The following ZNF652 variants were observed in gnomAD, a reference collection of about 807,000 sequenced individuals.
The protein encoded by ZNF652 is zinc finger protein 652.
ZNF652 carries 16 observed loss-of-function variants against 45.2 expected under a neutral mutation model. The observed-to-expected ratio is 0.35, with a 90% CI of 0.24 to 0.54. The LOEUF (loss-of-function observed/expected upper bound fraction) is 0.54. ZNF652 is among the 20% of genes least tolerant of loss of function. The probability of loss-of-function intolerance (pLI) is 0.91; values close to 1 mark genes in which losing one functional copy is unlikely to be tolerated. For missense variants in ZNF652, 614 were observed against 765.6 expected (o/e 0.80, Z 2.34); for synonymous variants, 250 against 260.6 (o/e 0.96, Z 0.39).
In ZNF652 at chr17:49,317,437, G is replaced by C; in HGVS notation, c.289C>G (p.Arg97Gly). The C allele has an allele frequency of 1.2e-6, 2 of 1,613,910 alleles. No individual in the cohort carries two copies. The highest frequency in any genetic ancestry group is 1.7e-5 in the Admixed American group (1 of 59,974). ...VSDVHAVKED[R>G]ENSDDTEEEE... ...TCCTCTGTGTCATCAGAATTCTCCC[G>C]GTCTTCCTTAACAGCATGCACGTCA... Residue 97 changes from arginine (R) to glycine (G), a missense_variant, in exon 2 of 6, where the codon CGG (arginine) becomes GGG (glycine). Around this residue, in one of 5 missense-constraint regions of ZNF652, gnomAD observed 133 missense variants for 132.2 expected, o/e 1.01. Coordinates refer to ENST00000430262, the MANE Select transcript of ZNF652 (RefSeq NM_001145365.3).
At chr17:49,312,160 T>C (rs1269702774) in intron 3 of ZNF652, 118 bp from the exon 4 acceptor site, 1 of 78,122 alleles carries the variant, frequency 1.3e-5, no homozygotes, top group South Asian at 5.1e-4. Flanking sequence ...TTTGTGAGGC[T>C]TTTTTTTTTT....
Position 49,296,792 on chromosome 17 carries a change from C to T in ZNF652, c.*1621G>A, listed in dbSNP as rs1426515584. 1 of 152,108 alleles carries T rather than the reference C, an allele frequency of 6.6e-6. No individual in the cohort carries two copies. The highest frequency in any genetic ancestry group is 1.5e-5 in the Non-Finnish European group (1 of 68,030). 9.4% of individuals were successfully genotyped at this position (152,108 alleles called of 1,614,324 possible). On this transcript the variant is annotated 3_prime_UTR_variant, in exon 6 of 6. Coordinates refer to ENST00000430262, the MANE Select transcript of ZNF652 (RefSeq NM_001145365.3). ...AGGTAAGTGATTTAGCCTGGGAACTCAGTTCTCTCAGATAAAGAAATACAA... is the reference window on the plus strand; with the variant it reads ...AGGTAAGTGATTTAGCCTGGGAACTTAGTTCTCTCAGATAAAGAAATACAA...
At chr17:49,338,614 C>A (rs1012176001) in intron 1 of ZNF652, among the ~76,000 whole-genome samples, 1 of 152,164 alleles carries the variant, frequency 6.6e-6, no homozygotes, top group African/African-American at 2.4e-5. Flanking sequence ...TGCATACAGT[C>A]ATGTTTGAGA....
intron 1 of ZNF652, among the ~76,000 whole-genome samples, chr17:49,319,864 C>T (rs2069865609): frequency 6.6e-6 from 1 of 151,986 alleles, no homozygotes; most frequent in Non-Finnish European, 1.5e-5. Context: ...GCTGGTGGGA[C>T]TGATTTTTAA....
At chr17:49,328,648 G>C (rs965626056) in intron 1 of ZNF652, among the ~76,000 whole-genome samples, 11 of 152,104 alleles carry the variant, frequency 7.2e-5, no homozygotes, top group Admixed American at 5.2e-4. Flanking sequence ...TGATACACCT[G>C]CTTCCCCCTT....
chr17:49,356,991 A>G (rs1366609341), intron 1 of ZNF652, among the ~76,000 whole-genome samples: 2 of 149,244 alleles, frequency 1.3e-5, no homozygotes, highest in East Asian at 3.9e-4. Context: ...CACTTGAACT[A>G]TGTTTTAAAA....
In ZNF652 at chr17:49,337,351, A is replaced by G. The variant is rs949946218; in HGVS notation, c.-258-19368T>C. The stretch of plus-strand genomic sequence containing the variant: ...ACCCATTCTCTTAAAAAAAAAAAAA[A>G]AAAGAAAAAAGAAAAATTAAAGGCA... On this transcript the variant is annotated intron_variant, in intron 1 of 5. Transcript: ENST00000430262. Among the ~76,000 whole-genome samples the G allele has an allele frequency of 6.6e-5, 10 of 151,278 alleles. No homozygotes were observed. The South Asian group carries it at 8.4e-4, about 13-fold the overall frequency.
intron 2 of ZNF652, among the ~76,000 whole-genome samples, chr17:49,315,559 T>TA (rs10542422): frequency 1.3e-3 from 189 of 143,486 alleles, no homozygotes; most frequent in East Asian, 1.8e-3. Flanking sequence ...AGACTTAAGT[T>TA]AAAAAAAAAA....
intron 1 of ZNF652, among the ~76,000 whole-genome samples, chr17:49,351,459 A>AT (rs1451262585): frequency 6.6e-6 from 1 of 152,172 alleles, no homozygotes; most frequent in Non-Finnish European, 1.5e-5. Context: ...GGCATACTGT[A>AT]TAACCATCTG....
intron 1 of ZNF652, among the ~76,000 whole-genome samples, chr17:49,340,549 CAAAAAAAAAAA>C (rs1040246588): frequency 7.6e-4 from 38 of 50,128 alleles, no homozygotes; most frequent in Middle Eastern, 9.6e-3. Flanking sequence ...GACTCTGTCT[CAAAAAAAAAAA>C]AAAAAAAAAA....
rs180941621 is a variant in ZNF652 at position 49,327,377 on chromosome 17, G to A, written c.-258-9394C>T. The stretch of plus-strand genomic sequence containing the variant: ...GGGCTTTCACTGTGTTTGCCAGGCT[G>A]GTCTCGAACTCCTGACCTCGTGAGC... On this transcript the variant is annotated intron_variant, in intron 1 of 5. Transcript: ENST00000430262. Among the ~76,000 whole-genome samples the A allele has an allele frequency of 7.2e-5, 11 of 151,932 alleles. No individual in the cohort carries two copies. In the East Asian group the frequency reaches 2.2e-3, roughly 30 times the overall value.
chr17:49,347,983 C>A (rs992290949), intron 1 of ZNF652, among the ~76,000 whole-genome samples: 16 of 151,890 alleles, frequency 1.1e-4, no homozygotes, highest in Non-Finnish European at 2.1e-4. Flanking sequence ...TGGCCTCAAA[C>A]AATCCACCCG....
At chr17:49,311,558 A>T in intron 4 of ZNF652, 102 bp from the exon 5 acceptor site, 1 of 1,265,016 alleles carries the variant, frequency 7.9e-7, no homozygotes, top group Non-Finnish European at 1.1e-6. Context: ...TTCATATTCA[A>T]AATAGAACCT....
At position 49,317,316 on chromosome 17, in the gene ZNF652, A is replaced by C. The variant is rs549515747; in HGVS notation, c.410T>G (p.Val137Gly). 28 of 1,613,134 alleles carry C rather than the reference A, an allele frequency of 1.7e-5. No homozygotes were observed. In the East Asian group the frequency reaches 3.6e-4, roughly 21 times the overall value. Residue 137 changes from valine to glycine, a missense_variant, in exon 2 of 6, where the codon GTC becomes GGC. Physicochemically the swap from Val to Gly is moderately radical, Grantham distance 109. Coordinates refer to ENST00000430262, the MANE Select transcript of ZNF652 (RefSeq NM_001145365.3). ...AGGAGTCTCTTTGGACTGAGAAGAG[A>C]CACCCTTTTCCCCTTTAGATACATT... ...TLNVSKGEKG[V>G]SSQSKETPVL...
chr17:49,305,948 A>C (rs962775799), intron 5 of ZNF652, among the ~76,000 whole-genome samples: 2 of 152,216 alleles, frequency 1.3e-5, no homozygotes, highest in African/African-American at 4.8e-5. Context: ...CTGTCTCTAA[A>C]TGTAGTTTCA....
At chr17:49,327,779 A>ATTT (rs375857868) in intron 1 of ZNF652, among the ~76,000 whole-genome samples, 5 of 4,106 alleles carry the variant, frequency 1.2e-3, no homozygotes, top group East Asian at 4.7e-3. Context: ...ATATATATAT[A>ATTT]TTTTTTTTTT....
chr17:49,312,541 T>C (rs2069730614), intron 3 of ZNF652, among the ~76,000 whole-genome samples, 157 bp downstream of exon 3: 1 of 152,208 alleles, frequency 6.6e-6, no homozygotes, highest in Non-Finnish European at 1.5e-5. Flanking sequence ...GACTATACCA[T>C]CCAATTTGGT....
At chr17:49,358,306 G>A (rs1017138357) in intron 1 of ZNF652, among the ~76,000 whole-genome samples, 4 of 152,108 alleles carry the variant, frequency 2.6e-5, no homozygotes, top group Admixed American at 6.6e-5. Flanking sequence ...CACCTCTATC[G>A]AAGTAAATTC....
At chr17:49,331,643 TAAAAAATAAAAAAATA>T in intron 1 of ZNF652, among the ~76,000 whole-genome samples, 1 of 150,566 alleles carries the variant, frequency 6.6e-6, no homozygotes, top group South Asian at 2.1e-4. Flanking sequence ...TTGTATTTTA[TAAAAAATAAAAAAATA>T]AAAAAATAAA....
Sources: gnomAD v4.1 joint callset for allele counts (sites outside exome capture counted in the v4.1 genomes callset) on GRCh38, gnomAD v4.1.1 for gene constraint, gnomAD v4.1.1 regional missense constraint, MANE v1.5 for transcripts, NCBI Gene and HGNC (gene_info 2026-07-23, HGNC 2026-07-21) for gene names.